CDYL: variants seen among roughly 807,000 people sequenced by gnomAD.
CDYL encodes the protein chromodomain Y-like protein.
Under a neutral mutation model 47.3 loss-of-function variants are expected in CDYL, and 8 were observed. That is an observed-to-expected ratio of 0.17 (90% CI 0.10 to 0.31). The LOEUF is 0.31. CDYL is among the 10% of genes least tolerant of loss of function. The probability of loss-of-function intolerance (pLI) is 1.00; values close to 1 mark genes in which losing one functional copy is unlikely to be tolerated. For synonymous variants in CDYL, 266 were observed against 265.0 expected, an observed-to-expected ratio of 1.00 and a Z score of -0.04; for missense variants, 471 against 701.4, an observed-to-expected ratio of 0.67 and a Z score of 3.71.
At chr6:4,709,744 T>C (rs918223387) in intron 1 of CDYL, among the ~76,000 whole-genome samples, 1 of 152,210 alleles carries the variant, frequency 6.6e-6, no homozygotes, top group African/African-American at 2.4e-5. Flanking sequence ...GGTTATTTTG[T>C]CACCTATTAC....
chr6:4,769,130 G>A (rs1197437345), intron 3 of CDYL, among the ~76,000 whole-genome samples: 1 of 152,072 alleles, frequency 6.6e-6, no homozygotes, highest in Non-Finnish European at 1.5e-5. Context: ...GGATCCCGGG[G>A]CAGAAAAAAG....
At chr6:4,842,083 A>G (rs953295279) in intron 1 of CDYL, among the ~76,000 whole-genome samples, 6 of 143,218 alleles carry the variant, frequency 4.2e-5, no homozygotes, top group African/African-American at 1.5e-4. Flanking sequence ...ATATAATTAT[A>G]TATTATTTAT....
chr6:4,741,573 A>G lies in CDYL; in HGVS notation c.186+6729A>G, dbSNP rs76160788. ...ACATCCCTGTTTCTAAGTTCAAATCAGCAGGAAGGAGAAGGGAAGGGCATG... is the reference window on the plus strand; with the variant it reads ...ACATCCCTGTTTCTAAGTTCAAATCGGCAGGAAGGAGAAGGGAAGGGCATG... On this transcript the variant is annotated intron_variant, in intron 3 of 8. Coordinates refer to the CDYL transcript ENST00000328908. Among the ~76,000 whole-genome samples the G allele has an allele frequency of 8.5e-3, 1,298 of 152,224 alleles. 22 individuals carry two copies. Among genetic ancestry groups the G allele is most frequent in the African/African-American group, 0.03 (1,252 of 41,518 alleles).
intron 5 of CDYL, among the ~76,000 whole-genome samples, chr6:4,951,444 A>G (rs1022647827): frequency 6.6e-6 from 1 of 152,122 alleles, no homozygotes; most frequent in African/African-American, 2.4e-5. Context: ...AAAGTGATCT[A>G]GTTCAGTGTC....
intron 2 of CDYL, among the ~76,000 whole-genome samples, chr6:4,910,721 G>A (rs1185963226): frequency 2.0e-5 from 3 of 152,318 alleles, no homozygotes; most frequent in East Asian, 1.9e-4. Context: ...AGGATTAGTC[G>A]GGTTTTTATA....
chr6:4,873,669 G>A lies in CDYL; in HGVS notation c.25-18044G>A, dbSNP rs555841178. On this transcript the variant is annotated intron_variant, in intron 1 of 6. Coordinates refer to ENST00000397588, the MANE Select transcript of CDYL (RefSeq NM_004824.4). Reference sequence around the variant, plus strand: ...GAAAACATGACTGTCAGAAATTTCTGTACCTTAATTCTACCCACCTGCTTG... The same window carrying A: ...GAAAACATGACTGTCAGAAATTTCTATACCTTAATTCTACCCACCTGCTTG... 3.3e-5 allele frequency among the ~76,000 whole-genome samples: 5 copies of A among 152,268 alleles called. No individual in the cohort carries two copies. The South Asian group carries it at 1.0e-3, about 32-fold the overall frequency.
intron 1 of CDYL, among the ~76,000 whole-genome samples, chr6:4,837,684 C>T (rs540935842): frequency 3.3e-5 from 5 of 152,064 alleles, no homozygotes; most frequent in South Asian, 4.2e-4. Flanking sequence ...AGGCTGCTCT[C>T]GAACTCCTGA....
intron 6 of CDYL, among the ~76,000 whole-genome samples, 182 bp from the exon 7 acceptor site, chr6:4,953,716 T>C (rs1414944181): frequency 2.0e-5 from 3 of 152,304 alleles, no homozygotes; most frequent in African/African-American, 7.2e-5. Flanking sequence ...ATGCACCCAG[T>C]GCCAAGTGTG....
chr6:4,923,774 G>A (rs964681438), intron 2 of CDYL, among the ~76,000 whole-genome samples: 38 of 152,166 alleles, frequency 2.5e-4, no homozygotes, highest in Middle Eastern at 6.8e-3. Context: ...GGTGGCGGGC[G>A]CCTGTAGTCC....
chr6:4,822,214 G>A (rs1390294208), intron 1 of CDYL, among the ~76,000 whole-genome samples: 1 of 151,840 alleles, frequency 6.6e-6, no homozygotes. Context: ...ACCCAGGCTG[G>A]TCTTGAACTC....
At chr6:4,950,502 G>A (rs1018533671) in intron 5 of CDYL, among the ~76,000 whole-genome samples, 9 of 152,336 alleles carry the variant, frequency 5.9e-5, no homozygotes, top group African/African-American at 1.4e-4. Flanking sequence ...TTCCTGCTGC[G>A]TTTGGATCTG....
rs528608801 is a variant in CDYL, at chr6:4,852,806, C to CTTTTTTTTTTTTTTT, written c.25-38897_25-38896insTTTTTTTTTTTTTTT. On this transcript the variant is annotated intron_variant, in intron 1 of 6. Transcript: ENST00000397588. The stretch of plus-strand genomic sequence containing the variant: ...ACCCTTTCTCATGGGTTTCTTTGTT[C>CTTTTTTTTTTTTTTT]TTTTTTTTTTGAGACAAGGTCTGTC... 5.4e-4 allele frequency among the ~76,000 whole-genome samples: 79 copies of CTTTTTTTTTTTTTTT among 146,732 alleles called. 2 individuals carry two copies. The highest frequency in any genetic ancestry group is 1.9e-3 in the African/African-American group (75 of 39,574).
At position 4,833,667 on chromosome 6, in the gene CDYL, G is replaced by A. The variant is rs1293059879; in HGVS notation, c.24+56860G>A. Among the ~76,000 whole-genome samples, 5 of 151,550 alleles carry A rather than the reference G, an allele frequency of 3.3e-5. No homozygotes were observed. The South Asian group carries it at 6.2e-4, about 19-fold the overall frequency. ...CTTGTTGATCTGTCTAATGTTGACAGTGGGGTATTAAAGTCTCCCATTATT... is the reference window on the plus strand; with the variant it reads ...CTTGTTGATCTGTCTAATGTTGACAATGGGGTATTAAAGTCTCCCATTATT... On this transcript the variant is annotated intron_variant, in intron 1 of 6. Coordinates refer to ENST00000397588, the MANE Select transcript of CDYL (RefSeq NM_004824.4).
At chr6:4,714,331 C>G (rs1415283040) in intron 1 of CDYL, 1 of 152,134 alleles carries the variant, frequency 6.6e-6, no homozygotes, top group Admixed American at 6.6e-5. Context: ...GGGCTCAAGG[C>G]CCAGCTCCAC....
At position 4,892,155 on chromosome 6, in the gene CDYL, A is replaced by G. The variant is rs766896693; in HGVS notation, c.467A>G (p.Asp156Gly). ...CCCGTTAAGAGCAGGACCGCAGTGG[A>G]CGGCTTTCAGAGCGAGAGCCCTGAG... ...KSPVKSRTAV[D>G]GFQSESPEKL... The change falls in exon 2 of 7, where the codon GAC becomes GGC. Residue 156 changes from aspartate to glycine, a missense_variant. Asp to Gly is a moderately conservative substitution (Grantham distance 94, BLOSUM62 -1). Transcript: ENST00000397588. 3 of 1,614,194 alleles carry G rather than the reference A, an allele frequency of 1.9e-6. No homozygotes were observed. Among genetic ancestry groups the G allele is most frequent in the Middle Eastern group, 3.3e-4 (2 of 6,062 alleles).
intron 3 of CDYL, among the ~76,000 whole-genome samples, chr6:4,735,052 C>T (rs1053636659): frequency 2.0e-5 from 3 of 151,966 alleles, no homozygotes; most frequent in East Asian, 1.9e-4. Context: ...TTTGGGAGGC[C>T]GAGGCAGGCG....
intron 1 of CDYL, among the ~76,000 whole-genome samples, chr6:4,791,596 G>C (rs1758918113): frequency 6.6e-6 from 1 of 152,064 alleles, no homozygotes; most frequent in Non-Finnish European, 1.5e-5. Flanking sequence ...ACATCCACTT[G>C]GCAGACAGGC....
At chr6:4,899,240 C>T (rs1561696577) in intron 2 of CDYL, among the ~76,000 whole-genome samples, 1 of 152,144 alleles carries the variant, frequency 6.6e-6, no homozygotes, top group Non-Finnish European at 1.5e-5. Flanking sequence ...GGAAGGAGAG[C>T]GTTCCCTCTA....
intron 2 of CDYL, among the ~76,000 whole-genome samples, chr6:4,729,350 T>C (rs531386576): frequency 6.6e-6 from 1 of 152,256 alleles, no homozygotes; most frequent in South Asian, 2.1e-4. Context: ...TGCGTGCATA[T>C]ACACACACCA....
Sources: allele counts gnomAD v4.1 joint callset (sites outside exome capture counted in the v4.1 genomes callset), GRCh38; gene constraint gnomAD v4.1.1; transcripts MANE v1.5; gene names NCBI Gene and HGNC (gene_info 2026-07-23, HGNC 2026-07-21).